The following NPAS3 variants were observed in gnomAD, a reference collection of about 807,000 sequenced individuals.
NPAS3 encodes neuronal PAS domain-containing protein 3.
Under a neutral mutation model 73.1 loss-of-function variants are expected in NPAS3, and 14 were observed. The ratio of observed to expected loss-of-function variants is 0.19; its 90% CI spans 0.13 to 0.30. The LOEUF (loss-of-function observed/expected upper bound fraction) is 0.30, where lower values mean the gene tolerates loss of function less well. Among genes scored for constraint, NPAS3 ranks in the 10% least tolerant of loss-of-function variants. NPAS3 has a pLI of 1.00. For synonymous variants in NPAS3, 620 were observed against 541.5 expected, an observed-to-expected ratio of 1.14 and a Z score of -2.01; for missense variants, 1,096 against 1,250.0, an observed-to-expected ratio of 0.88 and a Z score of 1.86.
intron 4 of NPAS3, among the ~76,000 whole-genome samples, chr14:33,533,383 C>A (rs10145123): frequency 6.6e-6 from 1 of 151,822 alleles, no homozygotes; most frequent in Non-Finnish European, 1.5e-5. Flanking sequence ...AATGACCAAA[C>A]AATACATGAA....
At chr14:33,622,996 C>T (rs530113783) in intron 5 of NPAS3, among the ~76,000 whole-genome samples, 1 of 152,224 alleles carries the variant, frequency 6.6e-6, no homozygotes, top group African/African-American at 2.4e-5. Context: ...CTTCACACTA[C>T]TGCATTTTTG....
intron 5 of NPAS3, among the ~76,000 whole-genome samples, chr14:33,572,211 G>A (rs1001708376): frequency 6.6e-6 from 1 of 152,048 alleles, no homozygotes; most frequent in African/African-American, 2.4e-5. Context: ...TGCATTCCTG[G>A]TGCCTTTTCT....
intron 2 of NPAS3, among the ~76,000 whole-genome samples, chr14:33,113,786 G>A (rs537407233): frequency 3.9e-5 from 6 of 152,026 alleles, no homozygotes; most frequent in East Asian, 1.9e-4. Context: ...CCCATTCAGT[G>A]TGATATTGGC....
chr14:33,745,558 T>G (rs541900121), intron 7 of NPAS3, among the ~76,000 whole-genome samples: 5 of 152,198 alleles, frequency 3.3e-5, no homozygotes, highest in Admixed American at 6.5e-5. Flanking sequence ...GCCTGGCCCA[T>G]AGTGAACACA....
intron 5 of NPAS3, among the ~76,000 whole-genome samples, chr14:33,588,211 T>A (rs2056935403): frequency 6.6e-6 from 1 of 152,234 alleles, no homozygotes; most frequent in South Asian, 2.1e-4. Context: ...AAGGTTCCTA[T>A]GGCTCTAAAA....
At chr14:33,413,110 T>A (rs2047999165) in intron 4 of NPAS3, among the ~76,000 whole-genome samples, 1 of 152,188 alleles carries the variant, frequency 6.6e-6, no homozygotes, top group African/African-American at 2.4e-5. Flanking sequence ...TTCAATAATA[T>A]CCCTTGGTCA....
At chr14:33,698,183 C>T (rs2060437522) in intron 6 of NPAS3, among the ~76,000 whole-genome samples, 1 of 152,094 alleles carries the variant, frequency 6.6e-6, no homozygotes, top group Admixed American at 6.6e-5. Context: ...CATCACAGGG[C>T]TAGGAAAGAT....
chr14:33,281,459 C>T (rs888351881), intron 3 of NPAS3, among the ~76,000 whole-genome samples: 1 of 152,058 alleles, frequency 6.6e-6, no homozygotes, highest in Non-Finnish European at 1.5e-5. Flanking sequence ...GGCAAAAACT[C>T]GGTCTCTACT....
At chr14:33,571,385 G>A (rs2056209027) in intron 5 of NPAS3, among the ~76,000 whole-genome samples, 1 of 152,150 alleles carries the variant, frequency 6.6e-6, no homozygotes, top group Non-Finnish European at 1.5e-5. Context: ...GAGGAGGGGA[G>A]CCTGGCGAAG....
chr14:33,587,592 C>A (rs957106718), intron 5 of NPAS3, among the ~76,000 whole-genome samples: 3 of 152,188 alleles, frequency 2.0e-5, no homozygotes, highest in Non-Finnish European at 4.4e-5. Flanking sequence ...TCCTCCTCCT[C>A]CTCTTCATTG....
chr14:33,195,892 C>T (rs1205397483), intron 2 of NPAS3, among the ~76,000 whole-genome samples: 3 of 152,170 alleles, frequency 2.0e-5, no homozygotes, highest in African/African-American at 4.8e-5. Flanking sequence ...CACTCTAAAA[C>T]TGTAGGTAAA....
intron 4 of NPAS3, among the ~76,000 whole-genome samples, chr14:33,544,549 C>T (rs1485616098): frequency 6.6e-6 from 1 of 151,464 alleles, no homozygotes; most frequent in Non-Finnish European, 1.5e-5. Context: ...CATGCACACA[C>T]ATCAAGGAAA....
chr14:33,282,144 C>T (rs1389158704), intron 3 of NPAS3, among the ~76,000 whole-genome samples: 2 of 152,178 alleles, frequency 1.3e-5, no homozygotes, highest in East Asian at 3.8e-4. Flanking sequence ...AAAGCTTACT[C>T]ACGATTTAAA....
At chr14:33,297,622 C>CA (rs1476933012) in intron 3 of NPAS3, among the ~76,000 whole-genome samples, 1 of 152,110 alleles carries the variant, frequency 6.6e-6, no homozygotes, top group Non-Finnish European at 1.5e-5. Context: ...TGCACACACA[C>CA]AAAAAAACCA....
Position 33,692,836 on chromosome 14 carries a change from T to TAAAAAAAA in NPAS3, c.733+16471_733+16478dup, listed in dbSNP as rs34684535. ...CAAGTGTTTAAGTAGCCCAATGTCTTAAAAAAAAAAAAAAAAAAAAAAAAA... is the reference window on the plus strand; with the variant it reads ...CAAGTGTTTAAGTAGCCCAATGTCTTAAAAAAAAAAAAAAAAAAAAAAAAAAAAAAAAA... On this transcript the variant is annotated intron_variant, in intron 6 of 11. Coordinates refer to ENST00000356141, the Ensembl canonical transcript of NPAS3. Among the ~76,000 whole-genome samples, 63 of 64,050 alleles carry TAAAAAAAA rather than the reference T, an allele frequency of 9.8e-4. 5 individuals are homozygous for TAAAAAAAA. Among genetic ancestry groups the TAAAAAAAA allele is most frequent in the African/African-American group, 3.2e-3 (57 of 17,686 alleles). 42.0% of individuals were successfully genotyped at this position (64,050 alleles called of 152,430 possible).
intron 11 of NPAS3, among the ~76,000 whole-genome samples, chr14:33,799,152 A>G (rs529066877): frequency 1.3e-5 from 2 of 152,060 alleles, no homozygotes; most frequent in Non-Finnish European, 2.9e-5. Flanking sequence ...CAAAAATAAT[A>G]ATAATAAATA....
At chr14:33,313,437 C>T (rs2043085624) in intron 3 of NPAS3, among the ~76,000 whole-genome samples, 1 of 151,978 alleles carries the variant, frequency 6.6e-6, no homozygotes, top group Non-Finnish European at 1.5e-5. Flanking sequence ...TACCAAGGCA[C>T]CTCGCTGTAG....
chr14:33,512,532 C>A (rs1452207165), intron 4 of NPAS3, among the ~76,000 whole-genome samples: 3 of 152,004 alleles, frequency 2.0e-5, no homozygotes, highest in Admixed American at 6.6e-5. Context: ...AACCTCATGG[C>A]ATTTGTGGAA....
chr14:33,403,812 TTCTC>T lies in NPAS3; in HGVS notation c.468+36562_468+36565del, dbSNP rs375753954. 2.9e-3 allele frequency among the ~76,000 whole-genome samples: 434 copies of T among 149,516 alleles called. 5 individuals are homozygous for T. The highest frequency in any genetic ancestry group is 6.9e-3 in the Middle Eastern group (2 of 288). On this transcript the variant is annotated intron_variant, in intron 4 of 11. Transcript: ENST00000356141. ...ATCCATGTGGTCAGTCTGATGCCCT[TTCTC>T]TCTCTCTCTCTCTCTCTTTTATTTC...
Sources: gnomAD v4.1 joint callset for allele counts (sites outside exome capture counted in the v4.1 genomes callset) on GRCh38, gnomAD v4.1.1 for gene constraint, MANE v1.5 for transcripts, NCBI Gene and HGNC (gene_info 2026-07-23, HGNC 2026-07-21) for gene names.